Variants in RIN2 observed in about 807,000 individuals in gnomAD.
RIN2 encodes Ras and Rab interactor 2.
RIN2 carries 36 observed loss-of-function variants against 78.0 expected under a neutral mutation model. That is an observed-to-expected ratio of 0.46 (90% CI 0.35 to 0.61). RIN2 has a LOEUF of 0.61. Ranked by LOEUF, RIN2 falls within the 20% of genes least tolerant of loss-of-function variation. The pLI, the probability that RIN2 is intolerant of heterozygous loss-of-function variation, is 0.00. For synonymous variants in RIN2, 466 were observed against 466.8 expected (o/e 1.00, Z 0.02); for missense variants, 1,087 against 1,159.7 (o/e 0.94, Z 0.91).
At chr20:19,778,824 G>A (rs1259878995) in intron 1 of RIN2, among the ~76,000 whole-genome samples, 1 of 152,140 alleles carries the variant, frequency 6.6e-6, no homozygotes, top group East Asian at 1.9e-4. Flanking sequence ...GAGGCCCAGA[G>A]ACACCACCTG....
rs185561705 is a variant in RIN2 at position 19,848,330 on chromosome 20, C to T, written c.-36-41236C>T. 3.6e-3 allele frequency among the ~76,000 whole-genome samples: 551 copies of T among 151,798 alleles called. 3 individuals carry two copies. The highest frequency in any genetic ancestry group is 0.013 in the African/African-American group (530 of 41,374). The stretch of plus-strand genomic sequence containing the variant: ...TGGGTGGATCATGAGGTCAGGAGAT[C>T]GAGACCATCCTGGCCAACATGGTGA... On this transcript the variant is annotated intron_variant, in intron 2 of 12. Transcript: ENST00000255006.
chr20:19,814,722 A>C (rs2035711731), intron 2 of RIN2, among the ~76,000 whole-genome samples: 2 of 152,094 alleles, frequency 1.3e-5, no homozygotes, highest in Admixed American at 1.3e-4. Flanking sequence ...GCTCACAAGT[A>C]GCTGGGATTA....
At chr20:19,816,497 C>G (rs1023456597) in intron 2 of RIN2, among the ~76,000 whole-genome samples, 5 of 152,200 alleles carry the variant, frequency 3.3e-5, no homozygotes, top group Non-Finnish European at 5.9e-5. Flanking sequence ...ATAAGCCAAA[C>G]AAGGTGTCAG....
intron 2 of RIN2, among the ~76,000 whole-genome samples, chr20:19,880,650 G>T (rs2038001166): frequency 6.6e-6 from 1 of 151,928 alleles, no homozygotes. Flanking sequence ...TTATAGATGT[G>T]AGCTGCTGCA....
intron 3 of RIN2, among the ~76,000 whole-genome samples, chr20:19,904,926 T>A (rs2039153038): frequency 6.6e-6 from 1 of 152,336 alleles, no homozygotes; most frequent in Admixed American, 6.5e-5. Context: ...CTGTTCTTTC[T>A]CTACACTTGC....
At chr20:19,861,061 G>A (rs927177930) in intron 2 of RIN2, among the ~76,000 whole-genome samples, 4 of 152,134 alleles carry the variant, frequency 2.6e-5, no homozygotes, top group Non-Finnish European at 4.4e-5. Context: ...TAAGTTTAGG[G>A]TTAACAGTTC....
intron 3 of RIN2, among the ~76,000 whole-genome samples, chr20:19,924,346 C>G (rs1600819860): frequency 4.7e-5 from 2 of 42,900 alleles, no homozygotes; most frequent in Middle Eastern, 9.1e-3. Flanking sequence ...TCTTCATACC[C>G]CACCTCTTCA....
chr20:19,829,490 C>T (rs963561542), intron 2 of RIN2, among the ~76,000 whole-genome samples: 1 of 152,182 alleles, frequency 6.6e-6, no homozygotes, highest in Non-Finnish European at 1.5e-5. Flanking sequence ...TGTATATCAT[C>T]TACGTTGTAT....
chr20:19,886,514 T>G, intron 2 of RIN2: 12 of 573,640 alleles, frequency 2.1e-5, no homozygotes, highest in East Asian at 2.9e-5. Flanking sequence ...CCAGCTCCGT[T>G]TACATTCTTT....
intron 1 of RIN2, among the ~76,000 whole-genome samples, chr20:19,790,481 T>G (rs986241225): frequency 7.9e-5 from 12 of 152,308 alleles, no homozygotes; most frequent in African/African-American, 2.9e-4. Context: ...ATTTTTCAAG[T>G]TGGGCTTAAC....
intron 3 of RIN2, among the ~76,000 whole-genome samples, chr20:19,901,061 C>T (rs1418255375): frequency 6.6e-6 from 1 of 151,538 alleles, no homozygotes. Flanking sequence ...TTCTGATGTT[C>T]ACCCAGGTGG....
chr20:19,834,678 T>G (rs970297155), intron 2 of RIN2, among the ~76,000 whole-genome samples: 1 of 152,258 alleles, frequency 6.6e-6, no homozygotes, highest in Non-Finnish European at 1.5e-5. Flanking sequence ...TCGGTCTTTT[T>G]AGTTTTTTCT....
intron 2 of RIN2, among the ~76,000 whole-genome samples, chr20:19,828,376 C>T (rs1204105472): frequency 1.3e-5 from 2 of 152,196 alleles, no homozygotes; most frequent in East Asian, 3.9e-4. Flanking sequence ...TCTGATCCTT[C>T]TGAGGGCTGA....
chr20:19,993,986 G>C (rs929090619), intron 11 of RIN2, among the ~76,000 whole-genome samples: 2 of 152,230 alleles, frequency 1.3e-5, no homozygotes, highest in Non-Finnish European at 2.9e-5. Flanking sequence ...AACATTGCTT[G>C]TATCTTGTGG....
chr20:19,863,906 G>A lies in RIN2; in HGVS notation c.-36-25660G>A, dbSNP rs139114400. On this transcript the variant is annotated intron_variant, in intron 2 of 12. Coordinates refer to ENST00000255006, the MANE Select transcript of RIN2 (RefSeq NM_018993.4). ...CACTGCTCTGGGAAACCCCATATGG[G>A]CATTGCCAGGCTGTGAGAGCACAGT... Among the ~76,000 whole-genome samples, 407 of 151,488 alleles carry A rather than the reference G, an allele frequency of 2.7e-3. 7 individuals are homozygous for A. The highest frequency in any genetic ancestry group is 0.025 in the Admixed American group (377 of 15,138).
intron 1 of RIN2, among the ~76,000 whole-genome samples, chr20:19,796,486 T>C (rs1051038810): frequency 6.6e-6 from 1 of 152,210 alleles, no homozygotes; most frequent in African/African-American, 2.4e-5. Context: ...GAGTGTACGG[T>C]TGGTAGTAAC....
intron 4 of RIN2, among the ~76,000 whole-genome samples, chr20:19,938,505 G>A (rs1055881285): frequency 6.6e-6 from 1 of 151,996 alleles, no homozygotes; most frequent in Non-Finnish European, 1.5e-5. Flanking sequence ...GATTACAAGT[G>A]TGAGCCACTG....
chr20:19,868,470 T>C (rs1249764725), intron 2 of RIN2, among the ~76,000 whole-genome samples: 1 of 152,212 alleles, frequency 6.6e-6, no homozygotes, highest in Non-Finnish European at 1.5e-5. Flanking sequence ...TGAAGTACTC[T>C]TACAGATTCG....
chr20:19,990,386 T>A (rs2042762601), intron 10 of RIN2, 75 bp downstream of exon 10: 3 of 1,397,366 alleles, frequency 2.1e-6, no homozygotes, highest in Non-Finnish European at 2.9e-6. Context: ...CTGTCAGGCT[T>A]TCTGATTCCC....
Sources: allele counts gnomAD v4.1 joint callset (sites outside exome capture counted in the v4.1 genomes callset), GRCh38; gene constraint gnomAD v4.1.1; transcripts MANE v1.5; gene names NCBI Gene and HGNC (gene_info 2026-07-23, HGNC 2026-07-21).